The following PAN3 variants were observed in gnomAD, a reference collection of about 807,000 sequenced individuals.
The protein encoded by PAN3 is poly(A) specific ribonuclease subunit PAN3, also known as PAN2-PAN3 deadenylation complex subunit PAN3.
Under a neutral mutation model 96.2 loss-of-function variants are expected in PAN3, and 19 were observed. The ratio of observed to expected loss-of-function variants is 0.20; its 90% CI spans 0.14 to 0.29. PAN3 has a LOEUF of 0.29. Ranked by LOEUF, PAN3 falls within the 10% of genes least tolerant of loss-of-function variation. The pLI is 1.00. For missense variants in PAN3, 882 were observed against 1,108.1 expected, an observed-to-expected ratio of 0.80 and a Z score of 2.90; for synonymous variants, 433 against 406.6, an observed-to-expected ratio of 1.06 and a Z score of -0.78.
At chr13:28,139,152 T>C (rs1869232685) in intron 1 of PAN3, 65 bp downstream of exon 1, 4 of 1,245,820 alleles carry the variant, frequency 3.2e-6, no homozygotes, top group Middle Eastern at 3.1e-4. Context: ...GATGAGGCCC[T>C]GCTGCCGACG....
intron 5 of PAN3, among the ~76,000 whole-genome samples, chr13:28,200,279 G>A (rs1184270460): frequency 1.3e-5 from 2 of 152,204 alleles, no homozygotes; most frequent in Non-Finnish European, 2.9e-5. Context: ...CAGCATGTAA[G>A]CTCTGTCATT....
intron 1 of PAN3, among the ~76,000 whole-genome samples, chr13:28,160,989 A>G (rs924362689): frequency 3.9e-5 from 6 of 152,346 alleles, no homozygotes; most frequent in South Asian, 2.1e-4. Context: ...CGAATAGTTT[A>G]GTACTAGGAA....
In PAN3 at chr13:28,252,791, C is replaced by T. The variant is rs1198250468; in HGVS notation, c.1001-3501C>T. 3.3e-5 allele frequency among the ~76,000 whole-genome samples: 5 copies of T among 151,882 alleles called. No homozygotes were observed. The East Asian group carries it at 7.7e-4, about 23-fold the overall frequency. On this transcript the variant is annotated intron_variant, in intron 6 of 18. Transcript: ENST00000380958. ...AAAAAAAAATACAAAAAATGAAATA[C>T]GAAAGTGAAATATTCTTAATTTAGA...
chr13:28,149,040 G>A (rs1255010877), intron 1 of PAN3, among the ~76,000 whole-genome samples: 3 of 151,664 alleles, frequency 2.0e-5, no homozygotes, highest in African/African-American at 7.3e-5. Context: ...TCAGTAATCT[G>A]GTTCACAGTT....
chr13:28,255,139 T>G (rs575488084), intron 6 of PAN3, among the ~76,000 whole-genome samples: 2 of 152,324 alleles, frequency 1.3e-5, no homozygotes, highest in African/African-American at 4.8e-5. Flanking sequence ...AGGGCATTTT[T>G]GGTAGCCCTT....
At chr13:28,139,508 GTGTGTT>G (rs1471263063) in intron 1 of PAN3, among the ~76,000 whole-genome samples, 48 of 130,620 alleles carry the variant, frequency 3.7e-4, no homozygotes, top group African/African-American at 1.5e-3. Context: ...GTGGGGAGGG[GTGTGTT>G]TGTGTGTGTG....
Position 28,138,707 on chromosome 13 carries a change from C to T in PAN3, c.50C>T (p.Ser17Phe), listed in dbSNP as rs1180466146. Residue 17 changes from serine (S) to phenylalanine (F), a missense_variant, in exon 1 of 19, where the codon TCC becomes TTC. Physicochemically the swap from Ser to Phe is radical, Grantham distance 155. Around this residue, in one of 3 missense-constraint regions of PAN3, gnomAD observed 442 missense variants for 422.8 expected, o/e 1.05. Transcript: ENST00000380958. ...CCCCCCTCGGCCGCCGCCTCCCCTT[C>T]CTCCTCCTCGCTGGCGGCGGCGGTG... Reference protein sequence around the residue: ...LPPPSAAASPSSSSLAAAVAV... With the variant: ...LPPPSAAASPFSSSLAAAVAV... 1 of 1,145,916 alleles carries T rather than the reference C, an allele frequency of 8.7e-7. No individual in the cohort carries two copies. Among genetic ancestry groups the T allele is most frequent in the Non-Finnish European group, 1.1e-6 (1 of 883,862 alleles). The allele number at this position is 1,145,916 out of a possible 1,614,324, so 71.0% of individuals were successfully genotyped here.
At chr13:28,259,472 A>T (rs1024742338) in intron 7 of PAN3, among the ~76,000 whole-genome samples, 4 of 151,534 alleles carry the variant, frequency 2.6e-5, no homozygotes, top group African/African-American at 9.7e-5. Context: ...CACCCGGCTA[A>T]TTTTTTGTAT....
intron 6 of PAN3, among the ~76,000 whole-genome samples, chr13:28,228,925 G>T (rs953503995): frequency 6.6e-6 from 1 of 152,140 alleles, no homozygotes; most frequent in African/African-American, 2.4e-5. Flanking sequence ...TCTTGCTTTT[G>T]TAACACTCCA....
chr13:28,280,631 G>A (rs983125592), intron 16 of PAN3, 90 bp downstream of exon 16: 32 of 1,191,156 alleles, frequency 2.7e-5, no homozygotes, highest in Middle Eastern at 2.4e-4. Context: ...GTGCTATCTC[G>A]GCTTACTGTA....
chr13:28,288,478 G>A (rs922429281), intron 18 of PAN3, among the ~76,000 whole-genome samples: 4 of 152,028 alleles, frequency 2.6e-5, no homozygotes, highest in Non-Finnish European at 2.9e-5. Flanking sequence ...CTTTAGTAGC[G>A]ACAAGGTTTC....
At chr13:28,279,759 C>CA (rs200646989) in intron 15 of PAN3, among the ~76,000 whole-genome samples, 45 of 142,802 alleles carry the variant, frequency 3.2e-4, no homozygotes, top group East Asian at 4.1e-4. Flanking sequence ...ACTCTGTCAC[C>CA]AAAAAAAAAA....
chr13:28,153,918 A>G (rs1871735749), intron 1 of PAN3, among the ~76,000 whole-genome samples: 1 of 152,220 alleles, frequency 6.6e-6, no homozygotes. Context: ...TCTCTCTGTT[A>G]TTAAATTTCT....
chr13:28,260,605 A>C, intron 8 of PAN3, 54 bp downstream of exon 8: 1 of 1,358,158 alleles, frequency 7.4e-7, no homozygotes, highest in Non-Finnish European at 1.1e-6. Flanking sequence ...TGCTTTAGTG[A>C]ACAGGGGAAA....
intron 14 of PAN3, among the ~76,000 whole-genome samples, chr13:28,274,567 C>T (rs928924782): frequency 3.3e-5 from 5 of 150,770 alleles, no homozygotes; most frequent in Non-Finnish European, 5.9e-5. Context: ...TGTTATGAGT[C>T]GTGTAGTTAC....
At chr13:28,162,515 C>T (rs1410631200) in intron 1 of PAN3, among the ~76,000 whole-genome samples, 1 of 151,918 alleles carries the variant, frequency 6.6e-6, no homozygotes, top group Non-Finnish European at 1.5e-5. Flanking sequence ...CGAAACCCCA[C>T]CTCTACTAAA....
rs1056932436 is a variant in PAN3 at position 28,197,083 on chromosome 13, C to G, written c.691-102C>G. On this transcript the variant is annotated intron_variant, in intron 4 of 18. Coordinates refer to ENST00000380958, the MANE Select transcript of PAN3 (RefSeq NM_175854.8). ...AAGGAGTGTTTTAGAAACTTGTTTC[C>G]TATCCCACCGTTCCCAGTATCCTGT... The G allele has an allele frequency of 3.7e-6, 5 of 1,352,620 alleles. No individual in the cohort carries two copies. The African/African-American group carries it at 5.9e-5, about 16-fold the overall frequency. The allele number at this position is 1,352,620 out of a possible 1,614,324, so 83.8% of individuals were successfully genotyped here. A position where few individuals can be genotyped will look rare whatever the true frequency, so the allele number is the denominator to read the frequency against.
At position 28,177,853 on chromosome 13, in the gene PAN3, C is replaced by T; in HGVS notation, c.620-12C>T. ...GTTTTATGTGTGGAAACTTACGTAA[C>T]TTACCTTTCAGATCCTCTAACATCA... On this transcript the variant is annotated splice_polypyrimidine_tract_variant and intron_variant, in intron 3 of 18. Coordinates refer to ENST00000380958, the MANE Select transcript of PAN3 (RefSeq NM_175854.8). 1 of 1,610,378 alleles carries T rather than the reference C, an allele frequency of 6.2e-7. No homozygotes were observed. The highest frequency in any genetic ancestry group is 8.5e-7 in the Non-Finnish European group (1 of 1,177,072).
In PAN3 at chr13:28,279,708, C is replaced by T. The variant is rs373080157; in HGVS notation, c.2190-704C>T. On this transcript the variant is annotated intron_variant, in intron 15 of 18. Coordinates refer to ENST00000380958, the MANE Select transcript of PAN3 (RefSeq NM_175854.8). ...CCAGGAGGCAGAGGTTGCAGTGAGC[C>T]GAGATCACGCCACTGCACTCCAGCC... Among the ~76,000 whole-genome samples the T allele has an allele frequency of 6.0e-5, 9 of 151,156 alleles. No homozygotes were observed. In the South Asian group the frequency reaches 1.1e-3, roughly 18 times the overall value.
Sources: allele counts gnomAD v4.1 joint callset (sites outside exome capture counted in the v4.1 genomes callset), GRCh38; gene constraint gnomAD v4.1.1; regional missense constraint gnomAD v4.1.1; transcripts MANE v1.5; gene names NCBI Gene and HGNC (gene_info 2026-07-23, HGNC 2026-07-21).